The following BABAM2 variants were observed in gnomAD, a reference collection of about 807,000 sequenced individuals.
BABAM2 encodes BRISC and BRCA1 A complex member 2, also known as BRISC and BRCA1-A complex member 2.
In BABAM2, 31 loss-of-function variants were observed where a neutral mutation model predicts 54.7. The observed-to-expected ratio is 0.57, with a 90% confidence interval of 0.43 to 0.77. BABAM2 has a LOEUF of 0.77. Among genes scored for constraint, BABAM2 ranks in the 30% least tolerant of loss-of-function variants. The pLI is 0.00. For missense variants in BABAM2, 364 were observed against 455.8 expected (o/e 0.80, Z 1.83); for synonymous variants, 167 against 162.9 (o/e 1.03, Z -0.19).
rs1573415995 is a variant in BABAM2, at chr2:28,025,101, G to A, written c.301-125G>A. ...CTTCATCTCTGGGTATATGGCTAAGGAGGAGTAGTCTGTTCCTCTTAGATT... is the reference window on the plus strand; with the variant it reads ...CTTCATCTCTGGGTATATGGCTAAGAAGGAGTAGTCTGTTCCTCTTAGATT... On this transcript the variant is annotated intron_variant, in intron 4 of 11. Coordinates refer to ENST00000379624, the MANE Select transcript of BABAM2 (RefSeq NM_199191.3). 24 of 807,376 alleles carry A rather than the reference G, an allele frequency of 3.0e-5. No individual in the cohort carries two copies. In the South Asian group the frequency reaches 5.7e-4, roughly 19 times the overall value. The allele number at this position is 807,376 out of a possible 1,614,324, so 50.0% of individuals were successfully genotyped here.
chr2:28,256,670 T>A (rs1683999998), intron 10 of BABAM2, among the ~76,000 whole-genome samples: 1 of 151,350 alleles, frequency 6.6e-6, no homozygotes, highest in African/African-American at 2.4e-5. Context: ...TAAGTATTTT[T>A]CATATGTTTG....
chr2:28,213,361 G>A (rs1164928171), intron 7 of BABAM2, among the ~76,000 whole-genome samples: 3 of 152,100 alleles, frequency 2.0e-5, no homozygotes, highest in Non-Finnish European at 2.9e-5. Flanking sequence ...GATCTACAGC[G>A]GTAGTTTGCA....
intron 2 of BABAM2, among the ~76,000 whole-genome samples, chr2:27,908,428 C>T (rs1323529226): frequency 6.6e-6 from 1 of 152,118 alleles, no homozygotes; most frequent in Non-Finnish European, 1.5e-5. Flanking sequence ...CATACTACCA[C>T]ACCTGGCTAA....
At chr2:28,007,288 A>G (rs1674047024) in intron 4 of BABAM2, among the ~76,000 whole-genome samples, 1 of 152,092 alleles carries the variant, frequency 6.6e-6, no homozygotes. Flanking sequence ...ATATTTACTC[A>G]TGTGCACAGG....
At chr2:27,996,589 G>A (rs1573355348) in intron 4 of BABAM2, 1 of 153,060 alleles carries the variant, frequency 6.5e-6, no homozygotes, top group East Asian at 1.9e-4. Flanking sequence ...TTTAGCTTCT[G>A]ACCTGGGCTA....
At chr2:27,987,345 T>C (rs182909605) in intron 3 of BABAM2, among the ~76,000 whole-genome samples, 404 of 152,334 alleles carry the variant, frequency 2.7e-3, no homozygotes, top group Non-Finnish European at 4.1e-3. Flanking sequence ...AGAATCAGTC[T>C]TCGTAAAGGC....
chr2:27,923,100 G>C (rs143479765), intron 2 of BABAM2, among the ~76,000 whole-genome samples: 1 of 152,108 alleles, frequency 6.6e-6, no homozygotes. Flanking sequence ...CCCAAATTCC[G>C]ACCCAAAGAA....
In BABAM2 at chr2:28,225,253, G is replaced by T; in HGVS notation, c.681-11949G>T. ...AGCTAGAGAAAGGGCAAGGCTGAGTGCTATGGGTTCCCAAAGACAGTCGGG... is the reference window on the plus strand; with the variant it reads ...AGCTAGAGAAAGGGCAAGGCTGAGTTCTATGGGTTCCCAAAGACAGTCGGG... On this transcript the variant is annotated intron_variant, in intron 7 of 11. Coordinates refer to ENST00000379624, the MANE Select transcript of BABAM2 (RefSeq NM_199191.3). Among the ~76,000 whole-genome samples, 2 of 152,330 alleles carry T rather than the reference G, an allele frequency of 1.3e-5. 1 individual carries two copies. Among genetic ancestry groups the T allele is most frequent in the South Asian group, 4.1e-4 (2 of 4,828 alleles).
At chr2:27,962,361 A>G (rs1244589966) in intron 3 of BABAM2, among the ~76,000 whole-genome samples, 2 of 152,176 alleles carry the variant, frequency 1.3e-5, no homozygotes, top group African/African-American at 2.4e-5. Flanking sequence ...CTGGCCTCCC[A>G]AAGTGGTGGG....
At chr2:28,076,595 G>A (rs1233832773) in intron 6 of BABAM2, among the ~76,000 whole-genome samples, 2 of 151,790 alleles carry the variant, frequency 1.3e-5, no homozygotes, top group Non-Finnish European at 2.9e-5. Context: ...TCCCGGGTTC[G>A]TGCCATTCTC....
intron 1 of BABAM2, among the ~76,000 whole-genome samples, chr2:27,892,039 A>G (rs1328671514): frequency 1.3e-5 from 2 of 152,174 alleles, no homozygotes; most frequent in African/African-American, 2.4e-5. Flanking sequence ...ACATTTTATA[A>G]GATATACGCT....
chr2:28,175,107 C>T (rs879478250), intron 7 of BABAM2, among the ~76,000 whole-genome samples: 7 of 152,138 alleles, frequency 4.6e-5, no homozygotes, highest in Admixed American at 2.0e-4. Flanking sequence ...TTGCATGTAC[C>T]CTGAGGACTG....
At chr2:28,174,851 A>G (rs959390298) in intron 7 of BABAM2, among the ~76,000 whole-genome samples, 7 of 152,058 alleles carry the variant, frequency 4.6e-5, no homozygotes, top group Non-Finnish European at 1.5e-5. Context: ...CTGCGTCTCC[A>G]CATCTCTCAA....
At chr2:27,905,773 G>C (rs1666146782) in intron 2 of BABAM2, among the ~76,000 whole-genome samples, 1 of 152,190 alleles carries the variant, frequency 6.6e-6, no homozygotes, top group Admixed American at 6.5e-5. Flanking sequence ...TAGCAGAAAT[G>C]GATGGGAGAT....
intron 11 of BABAM2, among the ~76,000 whole-genome samples, chr2:28,299,926 CTT>C (rs1491500324): frequency 3.3e-5 from 5 of 151,608 alleles, no homozygotes; most frequent in African/African-American, 7.3e-5. Context: ...GGCTTGATAA[CTT>C]TTTATTTTAT....
At chr2:28,167,407 G>A (rs917692147) in intron 7 of BABAM2, among the ~76,000 whole-genome samples, 30 of 151,992 alleles carry the variant, frequency 2.0e-4, no homozygotes, top group Admixed American at 5.9e-4. Flanking sequence ...AAATGATGCC[G>A]TTTGCGCTGG....
intron 6 of BABAM2, among the ~76,000 whole-genome samples, chr2:28,094,412 T>C (rs1666424545): frequency 6.6e-6 from 1 of 152,142 alleles, no homozygotes; most frequent in Non-Finnish European, 1.5e-5. Flanking sequence ...CAGAAGTGTT[T>C]TTAATATATT....
At chr2:28,007,935 T>G (rs1401681168) in intron 4 of BABAM2, among the ~76,000 whole-genome samples, 1 of 152,152 alleles carries the variant, frequency 6.6e-6, no homozygotes, top group Non-Finnish European at 1.5e-5. Flanking sequence ...AGTATCTTTA[T>G]TGACCCTGGA....
intron 7 of BABAM2, among the ~76,000 whole-genome samples, chr2:28,176,586 A>AAAAAAAAAAAAAAAAAAAAAAG (rs1674991387): frequency 6.9e-6 from 1 of 144,670 alleles, no homozygotes; most frequent in Non-Finnish European, 1.5e-5. Flanking sequence ...AAAAAAAAAA[A>AAAAAAAAAAAAAAAAAAAAAAG]AAAAAAAAAA....
Sources: allele counts gnomAD v4.1 joint callset (sites outside exome capture counted in the v4.1 genomes callset), GRCh38; gene constraint gnomAD v4.1.1; transcripts MANE v1.5; gene names NCBI Gene and HGNC (gene_info 2026-07-23, HGNC 2026-07-21).